Variants in AGPAT4 observed in about 807,000 individuals in gnomAD.
The protein encoded by AGPAT4 is 1-acylglycerol-3-phosphate O-acyltransferase 4, also known as 1-acyl-sn-glycerol-3-phosphate acyltransferase delta.
AGPAT4 carries 15 observed loss-of-function variants against 48.0 expected under a neutral mutation model. That is an observed-to-expected ratio of 0.31 (90% CI 0.21 to 0.48). The LOEUF is 0.48. Ranked by LOEUF, AGPAT4 falls within the 20% of genes least tolerant of loss-of-function variation. AGPAT4 has a pLI of 0.99. For missense variants in AGPAT4, 314 were observed against 482.5 expected, an observed-to-expected ratio of 0.65 and a Z score of 3.27; for synonymous variants, 178 against 198.7, an observed-to-expected ratio of 0.90 and a Z score of 0.88.
At chr6:161,163,013 C>T (rs1400011574) in intron 3 of AGPAT4, among the ~76,000 whole-genome samples, 5 of 152,238 alleles carry the variant, frequency 3.3e-5, no homozygotes, top group Non-Finnish European at 5.9e-5. Flanking sequence ...CAACCAAAGC[C>T]TTCAGAGCCC....
At position 161,249,895 on chromosome 6, in the gene AGPAT4, G is replaced by A. The variant is rs935404545; in HGVS notation, c.-89-17593C>T. Among the ~76,000 whole-genome samples, 3 of 152,138 alleles carry A rather than the reference G, an allele frequency of 2.0e-5. No individual in the cohort carries two copies. Among genetic ancestry groups the A allele is most frequent in the Non-Finnish European group, 4.4e-5 (3 of 68,026 alleles). On this transcript the variant is annotated intron_variant, in intron 1 of 8. Transcript: ENST00000320285. This position sits in a 1 kb window ranked among gnomAD's most constrained non-coding sequence, Gnocchi z 6.2. ...TGCAGTACTACTGCAGCTATTCACA[G>A]CTATTCACTATTGCAGCTATTCACA... is the stretch of plus-strand genomic sequence containing the variant.
chr6:161,269,422 T>C (rs1407687133), intron 1 of AGPAT4, among the ~76,000 whole-genome samples: 2 of 152,242 alleles, frequency 1.3e-5, no homozygotes, highest in Non-Finnish European at 2.9e-5. Context: ...GAACAATTTA[T>C]AAAATTGTTC....
In AGPAT4 at chr6:161,204,964, C is replaced by T. The variant is rs757554934; in HGVS notation, c.178+27072G>A. 2.0e-5 allele frequency among the ~76,000 whole-genome samples: 3 copies of T among 152,116 alleles called. No individual in the cohort carries two copies. Among genetic ancestry groups the T allele is most frequent in the Non-Finnish European group, 2.9e-5 (2 of 68,032 alleles). On this transcript the variant is annotated intron_variant, in intron 2 of 8. Transcript: ENST00000320285. This position sits in a 1 kb window ranked among gnomAD's most constrained non-coding sequence, Gnocchi z 4.4. The stretch of plus-strand genomic sequence containing the variant: ...AAACCGGGTATGAACAACGACATGA[C>T]GCTGTTGATGAAAAGACACTGGACA...
rs896278593 is a variant in AGPAT4 at position 161,245,818 on chromosome 6, C to T, written c.-89-13516G>A. Reference sequence around the variant, plus strand: ...TGGCTGGATTTTAAATCTCTCATTTCTTTGATTTTCATAAAGGATGCCAAA... The same window carrying T: ...TGGCTGGATTTTAAATCTCTCATTTTTTTGATTTTCATAAAGGATGCCAAA... On this transcript the variant is annotated intron_variant, in intron 1 of 8. Transcript: ENST00000320285. The surrounding 1 kb of genome is among the most constrained non-coding windows in gnomAD (Gnocchi z 5.2). 6.6e-5 allele frequency among the ~76,000 whole-genome samples: 10 copies of T among 152,124 alleles called. No individual in the cohort carries two copies. Among genetic ancestry groups the T allele is most frequent in the Non-Finnish European group, 2.9e-5 (2 of 68,008 alleles).
In AGPAT4 at chr6:161,246,007, T is replaced by G. The variant is rs1433363168; in HGVS notation, c.-89-13705A>C. Among the ~76,000 whole-genome samples the G allele has an allele frequency of 6.6e-6, 1 of 152,234 alleles. No individual in the cohort carries two copies. Reference sequence around the variant, plus strand: ...CTAAGTTGACATGCAGTATCCTTGTTTCTAGATAGCTCTGAAAAATGGCCA... The same window carrying G: ...CTAAGTTGACATGCAGTATCCTTGTGTCTAGATAGCTCTGAAAAATGGCCA... On this transcript the variant is annotated intron_variant, in intron 1 of 8. Coordinates refer to ENST00000320285, the MANE Select transcript of AGPAT4 (RefSeq NM_020133.3). The surrounding 1 kb of genome is among the most constrained non-coding windows in gnomAD (Gnocchi z 5.5).
At position 161,161,825 on chromosome 6, in the gene AGPAT4, C is replaced by T. The variant is rs895497140; in HGVS notation, c.348+4423G>A. ...TATCAATTGCTATCGTTGTCATGAT[C>T]GAAAATCCTTCGTTTAAAGAGGCAG... On this transcript the variant is annotated intron_variant, in intron 3 of 8. Coordinates refer to ENST00000320285, the MANE Select transcript of AGPAT4 (RefSeq NM_020133.3). The surrounding 1 kb of genome is among the most constrained non-coding windows in gnomAD (Gnocchi z 4.6). 3.6e-5 allele frequency: 10 copies of T among 274,198 alleles called. No homozygotes were observed. Among genetic ancestry groups the T allele is most frequent in the East Asian group, 8.2e-5 (1 of 12,182 alleles). 17.0% of individuals were successfully genotyped at this position (274,198 alleles called of 1,614,324 possible).
rs990509782 is a variant in AGPAT4 at position 161,134,167 on chromosome 6, C to G, written c.*2373G>C. 2 of 152,142 alleles carry G rather than the reference C, an allele frequency of 1.3e-5. No homozygotes were observed. The highest frequency in any genetic ancestry group is 2.9e-5 in the Non-Finnish European group (2 of 68,024). The allele number at this position is 152,142 out of a possible 1,614,324, so 9.4% of individuals were successfully genotyped here. On this transcript the variant is annotated 3_prime_UTR_variant, in exon 9 of 9. Transcript: ENST00000320285. ...CTCCCCAGCACGCCACATTCTCTTT[C>G]GGCTCTAAGGCAATTCAAAACTTGG...
rs890530283 is a variant in AGPAT4, at chr6:161,219,974, G to A, written c.178+12062C>T. Among the ~76,000 whole-genome samples, 3 of 147,200 alleles carry A rather than the reference G, an allele frequency of 2.0e-5. No individual in the cohort carries two copies. The highest frequency in any genetic ancestry group is 7.5e-5 in the African/African-American group (3 of 39,868). On this transcript the variant is annotated intron_variant, in intron 2 of 8. Coordinates refer to ENST00000320285, the MANE Select transcript of AGPAT4 (RefSeq NM_020133.3). The surrounding 1 kb of genome is among the most constrained non-coding windows in gnomAD (Gnocchi z 4.9). The stretch of plus-strand genomic sequence containing the variant: ...GACAGACAGACAGACAGACAGGCAG[G>A]CAGATAGATACATTTAAAAAATAAA...
intron 1 of AGPAT4, among the ~76,000 whole-genome samples, chr6:161,268,098 T>TTC (rs1783317169): frequency 6.6e-6 from 1 of 152,178 alleles, no homozygotes; most frequent in Admixed American, 6.5e-5. Context: ...CATCTTTACT[T>TTC]TCTCTCTCTG....
rs1405331107 is a variant in AGPAT4 at position 161,144,498 on chromosome 6, T to C, written c.843+2026A>G. On this transcript the variant is annotated intron_variant, in intron 7 of 8. Transcript: ENST00000320285. This position sits in a 1 kb window ranked among gnomAD's most constrained non-coding sequence, Gnocchi z 6.6. ...ACTTTTAACAAGAAGGAGATGTGCC[T>C]CTCAGCTTGGTTTACACGATGACCA... Among the ~76,000 whole-genome samples the C allele has an allele frequency of 2.0e-5, 3 of 152,106 alleles. No individual in the cohort carries two copies. The highest frequency in any genetic ancestry group is 7.2e-5 in the African/African-American group (3 of 41,396).
At position 161,240,223 on chromosome 6, in the gene AGPAT4, C is replaced by T. The variant is rs1420114119; in HGVS notation, c.-89-7921G>A. 2.2e-4 allele frequency among the ~76,000 whole-genome samples: 2 copies of T among 9,176 alleles called. No individual in the cohort carries two copies. Among genetic ancestry groups the T allele is most frequent in the Non-Finnish European group, 3.6e-4 (2 of 5,616 alleles). The allele number at this position is 9,176 out of a possible 152,430, so 6.0% of individuals were successfully genotyped here. ...CTAACAGCAGATATCTTTGTGTATA[C>T]ACACACACACACACACACACACACA... On this transcript the variant is annotated intron_variant, in intron 1 of 8. Coordinates refer to ENST00000320285, the MANE Select transcript of AGPAT4 (RefSeq NM_020133.3). This position sits in a 1 kb window ranked among gnomAD's most constrained non-coding sequence, Gnocchi z 5.5.
chr6:161,263,890 A>T (rs1783174086), intron 1 of AGPAT4, among the ~76,000 whole-genome samples: 1 of 152,238 alleles, frequency 6.6e-6, no homozygotes, highest in South Asian at 2.1e-4. Flanking sequence ...ATGCAAGTCC[A>T]TGTAATTCTG....
rs190353972 is a variant in AGPAT4 at position 161,140,192 on chromosome 6, G to T, written c.844-572C>A. Among the ~76,000 whole-genome samples, 9 of 152,238 alleles carry T rather than the reference G, an allele frequency of 5.9e-5. No homozygotes were observed. Among genetic ancestry groups the T allele is most frequent in the Admixed American group, 5.2e-4 (8 of 15,294 alleles). Reference sequence around the variant, plus strand: ...TTGCCACTGGAGGGCTCTGAGGGCCGTGATTCAAGGCATCATGAATGACAA... The same window carrying T: ...TTGCCACTGGAGGGCTCTGAGGGCCTTGATTCAAGGCATCATGAATGACAA... On this transcript the variant is annotated intron_variant, in intron 7 of 8. Coordinates refer to ENST00000320285, the MANE Select transcript of AGPAT4 (RefSeq NM_020133.3). The surrounding 1 kb of genome is among the most constrained non-coding windows in gnomAD (Gnocchi z 6.5).
chr6:161,191,628 A>C (rs1780925904), intron 2 of AGPAT4, among the ~76,000 whole-genome samples: 1 of 152,222 alleles, frequency 6.6e-6, no homozygotes, highest in South Asian at 2.1e-4. Flanking sequence ...CATAGTCCTG[A>C]AGATGTTGAT....
rs933688524 is a variant in AGPAT4, at chr6:161,242,528, C to T, written c.-89-10226G>A. 1.3e-5 allele frequency among the ~76,000 whole-genome samples: 2 copies of T among 152,238 alleles called. No homozygotes were observed. The highest frequency in any genetic ancestry group is 3.9e-4 in the East Asian group (2 of 5,166). On this transcript the variant is annotated intron_variant, in intron 1 of 8. Transcript: ENST00000320285. This position sits in a 1 kb window ranked among gnomAD's most constrained non-coding sequence, Gnocchi z 5.0. ...CGCAGCCTCATGGGGCTGGAGGGTG[C>T]AGACCTCAGAGTAGGTACACATTCT...
intron 2 of AGPAT4, among the ~76,000 whole-genome samples, chr6:161,207,648 C>T (rs928547727): frequency 1.6e-4 from 25 of 152,106 alleles, no homozygotes; most frequent in Non-Finnish European, 2.4e-4. Flanking sequence ...AGTAAACCAC[C>T]GCCATAAAAA....
rs1779346014 is a variant in AGPAT4, at chr6:161,144,266, C to T, written c.843+2258G>A. 2.0e-6 allele frequency: 1 copy of T among 492,146 alleles called. No homozygotes were observed. The highest frequency in any genetic ancestry group is 4.2e-6 in the Non-Finnish European group (1 of 239,638). The allele number at this position is 492,146 out of a possible 1,614,324, so 30.5% of individuals were successfully genotyped here. A position where few individuals can be genotyped will look rare whatever the true frequency, so the allele number is the denominator to read the frequency against. On this transcript the variant is annotated intron_variant, in intron 7 of 8. Transcript: ENST00000320285. This position sits in a 1 kb window ranked among gnomAD's most constrained non-coding sequence, Gnocchi z 6.6. ...TTAGAGAACTCGGTGTCGCCCCAGC[C>T]CTGCACGGAGAGAGAAAGGGCCTGG...
At position 161,258,368 on chromosome 6, in the gene AGPAT4, G is replaced by T. The variant is rs143562444; in HGVS notation, c.-90+15570C>A. On this transcript the variant is annotated intron_variant, in intron 1 of 8. Transcript: ENST00000320285. Reference sequence around the variant, plus strand: ...GGGTTGGCAGATTCTCCAAATACCTGAGAGTATCCAACAACCATTTTTAGA... The same window carrying T: ...GGGTTGGCAGATTCTCCAAATACCTTAGAGTATCCAACAACCATTTTTAGA... Among the ~76,000 whole-genome samples the T allele has an allele frequency of 6.6e-3, 1,000 of 152,222 alleles. 9 individuals carry two copies. Among genetic ancestry groups the T allele is most frequent in the Non-Finnish European group, 7.0e-3 (478 of 68,008 alleles).
In AGPAT4 at chr6:161,154,492, G is replaced by A. The variant is rs140120327; in HGVS notation, c.349-182C>T. ...TGCCCTCCCCACCTTTCAGCTAGAG[G>A]TCCAGGTTGTGCTTGCCCTGCCAGT... On this transcript the variant is annotated intron_variant, in intron 3 of 8. Coordinates refer to ENST00000320285, the MANE Select transcript of AGPAT4 (RefSeq NM_020133.3). This position sits in a 1 kb window ranked among gnomAD's most constrained non-coding sequence, Gnocchi z 7.8. Among the ~76,000 whole-genome samples, 314 of 152,302 alleles carry A rather than the reference G, an allele frequency of 2.1e-3. 1 individual carries two copies. The highest frequency in any genetic ancestry group is 7.2e-3 in the African/African-American group (301 of 41,580).
Sources: gnomAD v4.1 joint callset for allele counts (sites outside exome capture counted in the v4.1 genomes callset) on GRCh38, gnomAD v4.1.1 for gene constraint, Gnocchi (gnomAD v3.1) non-coding constraint, MANE v1.5 for transcripts, NCBI Gene and HGNC (gene_info 2026-07-23, HGNC 2026-07-21) for gene names.